PSMG2: variants seen among roughly 807,000 people sequenced by gnomAD.
PSMG2 encodes CD40 ligand-activated specific transcript 3.
In PSMG2, 21 loss-of-function variants were observed where a neutral mutation model predicts 31.5. The ratio of observed to expected loss-of-function variants is 0.67; its 90% confidence interval spans 0.47 to 0.96. PSMG2 has a LOEUF of 0.96. Among genes scored for constraint, PSMG2 ranks in the 40% least tolerant of loss-of-function variants. The probability of loss-of-function intolerance (pLI) is 0.00; values close to 1 mark genes in which losing one functional copy is unlikely to be tolerated. For synonymous variants in PSMG2, 120 were observed against 110.4 expected (o/e 1.09, Z -0.54); for missense variants, 318 against 321.2 (o/e 0.99, Z 0.08).
chr18:12,691,428 C>T lies in PSMG2; in HGVS notation c.-36-15122C>T, dbSNP rs1019056837. 2.5e-6 allele frequency: 4 copies of T among 1,609,342 alleles called. No homozygotes were observed. The African/African-American group carries it at 4.0e-5, about 16-fold the overall frequency. On this transcript the variant is annotated intron_variant, in intron 1 of 6. Transcript: ENST00000585331. ...TTTGCAAATATTCTCTCCACCACTG[C>T]TTAGCATATACAAGAAATAATCGCT...
upstream of PSMG2, chr18:12,700,105 A>C: frequency 2.7e-6 from 1 of 374,302 alleles, no homozygotes; most frequent in Non-Finnish European, 4.8e-6. Flanking sequence ...CACTCCTAAA[A>C]TCAAATGCTA....
chr18:12,702,504 G>A, upstream of PSMG2: 2 of 1,609,900 alleles, frequency 1.2e-6, no homozygotes, highest in Non-Finnish European at 1.7e-6. Flanking sequence ...GCTGCTGGTG[G>A]ATGAGCTGCT....
At position 12,720,511 on chromosome 18, in the gene PSMG2, A is replaced by G; in HGVS notation, c.409A>G (p.Thr137Ala). ...AGTTAACTATATGATTATTTCTAGT[A>G]CTCCCTTCCGGTACCTACTTACACC... ...YQRNDLQLRS[T>A]PFRYLLTPSM... The change falls in exon 5 of 7, where the codon ACT becomes GCT. Residue 137 changes from threonine to alanine, a missense_variant and splice_region_variant. Coordinates refer to ENST00000317615, the MANE Select transcript of PSMG2 (RefSeq NM_020232.5). 1 of 1,582,304 alleles carries G rather than the reference A, an allele frequency of 6.3e-7. No homozygotes were observed. Among genetic ancestry groups the G allele is most frequent in the Non-Finnish European group, 8.6e-7 (1 of 1,167,752 alleles).
intron 1 of PSMG2, chr18:12,673,575 C>T (rs12959199): frequency 0.11 from 144,468 of 1,279,666 alleles, 9,323 homozygotes; most frequent in Non-Finnish European, 0.13. Context: ...GCAAGTAAAT[C>T]AGTATTTAAA....
intron 1 of PSMG2, chr18:12,691,176 AC>A (rs1388109570): frequency 2.3e-6 from 1 of 429,406 alleles, no homozygotes; most frequent in Non-Finnish European, 4.0e-6. Flanking sequence ...GTAAAATAAG[AC>A]ATAGATTGAT....
intron 1 of PSMG2, among the ~76,000 whole-genome samples, chr18:12,670,012 GA>G (rs2038903089): frequency 2.1e-5 from 3 of 145,230 alleles, no homozygotes; most frequent in African/African-American, 5.1e-5. Flanking sequence ...AAAAAGAAAA[GA>G]AAAAGAAAAA....
At position 12,724,578 on chromosome 18, in the gene PSMG2, G is replaced by C. The variant is rs932181990; in HGVS notation, c.661G>C (p.Val221Leu). ...CAACATCCCAGATGCATTAGGTCTT[G>C]TTGAGTATCTTAATGAGTGGCTTCA... ...GDNIPDALGL[V>L]EYLNEWLQIL... The change falls in exon 6 of 7, where the codon GTT becomes CTT. Residue 221 changes from valine (V) to leucine (L), a missense_variant. Physicochemically the swap from Val to Leu is conservative, Grantham distance 32 (BLOSUM62 1). Transcript: ENST00000317615. 5.0e-6 allele frequency: 8 copies of C among 1,611,164 alleles called. No individual in the cohort carries two copies. The highest frequency in any genetic ancestry group is 5.9e-6 in the Non-Finnish European group (7 of 1,178,930).
chr18:12,691,284 T>C lies in PSMG2; in HGVS notation c.-36-15266T>C, dbSNP rs1227229623. 1.3e-5 allele frequency: 12 copies of C among 924,614 alleles called. 1 individual carries two copies. 57.3% of individuals were successfully genotyped at this position (924,614 alleles called of 1,614,324 possible). A position where few individuals can be genotyped will look rare whatever the true frequency, so the allele number is the denominator to read the frequency against. The stretch of plus-strand genomic sequence containing the variant: ...TTTTGGAATACATTTTACAAATAAA[T>C]ATTAAATGAAATTTACACACATAAC... On this transcript the variant is annotated intron_variant, in intron 1 of 6. Transcript: ENST00000585331.
At chr18:12,673,422 A>T in intron 1 of PSMG2, 1 of 1,605,956 alleles carries the variant, frequency 6.2e-7, no homozygotes, top group South Asian at 1.1e-5. Flanking sequence ...ATGCAGATTC[A>T]GGGTAAGTAA....
intron 1 of PSMG2, among the ~76,000 whole-genome samples, chr18:12,693,279 T>C (rs1258335094): frequency 6.6e-6 from 1 of 152,042 alleles, no homozygotes; most frequent in African/African-American, 2.4e-5. Flanking sequence ...GAGAACCTGG[T>C]GGGGCACAAT....
intron 1 of PSMG2, among the ~76,000 whole-genome samples, chr18:12,672,269 C>T (rs1371467733): frequency 6.6e-6 from 1 of 151,950 alleles, no homozygotes; most frequent in Non-Finnish European, 1.5e-5. Flanking sequence ...TGTGAGCCAC[C>T]GCACCCGGCC....
At chr18:12,699,071 C>T (rs202117013), upstream of PSMG2, 81 of 1,613,978 alleles carry the variant, frequency 5.0e-5, 1 homozygote, top group East Asian at 1.0e-3. Context: ...ACGTTGGTTT[C>T]GATAATGTAA....
intron 6 of PSMG2, among the ~76,000 whole-genome samples, chr18:12,725,189 C>G (rs1278211726): frequency 6.6e-6 from 1 of 151,946 alleles, no homozygotes; most frequent in African/African-American, 2.4e-5. Flanking sequence ...AATCCCTATT[C>G]TTTTTGAATG....
In PSMG2 at chr18:12,725,711, T is replaced by C. The variant is rs901614047; in HGVS notation, c.*180T>C. The C allele has an allele frequency of 2.5e-5, 11 of 435,940 alleles. No individual in the cohort carries two copies. Among genetic ancestry groups the C allele is most frequent in the Admixed American group, 4.3e-5 (1 of 23,504 alleles). The allele number at this position is 435,940 out of a possible 1,614,324, so 27.0% of individuals were successfully genotyped here. A position where few individuals can be genotyped will look rare whatever the true frequency, so the allele number is the denominator to read the frequency against. ...TCATCATATGCACCAAATGTAAATT[T>C]TGTACAATAAAATTTTATTTCCTAA... On this transcript the variant is annotated 3_prime_UTR_variant, in exon 7 of 7. Coordinates refer to ENST00000317615, the MANE Select transcript of PSMG2 (RefSeq NM_020232.5).
At chr18:12,691,680 TAA>T (rs1206850953) in intron 1 of PSMG2, among the ~76,000 whole-genome samples, 11 of 151,728 alleles carry the variant, frequency 7.2e-5, no homozygotes, top group Admixed American at 6.6e-4. Flanking sequence ...ACAATAATCA[TAA>T]GTCACCTTTT....
At chr18:12,695,040 T>C (rs2039902739) in intron 1 of PSMG2, among the ~76,000 whole-genome samples, 1 of 152,164 alleles carries the variant, frequency 6.6e-6, no homozygotes, top group Admixed American at 6.6e-5. Flanking sequence ...TCTCAATAAA[T>C]GTTCATCGTA....
At chr18:12,681,971 G>A (rs2039365013) in intron 1 of PSMG2, among the ~76,000 whole-genome samples, 1 of 151,052 alleles carries the variant, frequency 6.6e-6, no homozygotes, top group Non-Finnish European at 1.5e-5. Context: ...ACTCCAGCCT[G>A]GACAACAGAG....
intron 1 of PSMG2, among the ~76,000 whole-genome samples, chr18:12,659,453 G>C (rs2038649903): frequency 6.6e-6 from 1 of 152,096 alleles, no homozygotes. Flanking sequence ...AGATCACTGA[G>C]GTCAGGAGTT....
chr18:12,696,270 C>T (rs1207137449), intron 1 of PSMG2, among the ~76,000 whole-genome samples: 4 of 152,064 alleles, frequency 2.6e-5, no homozygotes, highest in African/African-American at 7.2e-5. Context: ...TTTGGGAGGC[C>T]GAGGCGGGCA....
Sources: gnomAD v4.1 joint callset for allele counts (sites outside exome capture counted in the v4.1 genomes callset) on GRCh38, gnomAD v4.1.1 for gene constraint, MANE v1.5 for transcripts, NCBI Gene and HGNC (gene_info 2026-07-23, HGNC 2026-07-21) for gene names.